Variants in INTS6L observed in about 807,000 individuals in gnomAD.
INTS6L encodes integrator complex subunit 6-like.
Under a neutral mutation model 64.7 loss-of-function variants are expected in INTS6L, and 18 were observed. That is an observed-to-expected ratio of 0.28 (90% CI 0.19 to 0.41). The LOEUF (loss-of-function observed/expected upper bound fraction) is 0.41. Ranked by LOEUF, INTS6L falls within the 10% of genes least tolerant of loss-of-function variation. The probability of loss-of-function intolerance (pLI) is 1.00; values close to 1 mark genes in which losing one functional copy is unlikely to be tolerated. For synonymous variants in INTS6L, 227 were observed against 235.9 expected (o/e 0.96, Z 0.34); for missense variants, 533 against 661.0 (o/e 0.81, Z 2.12).
intron 9 of INTS6L, among the ~76,000 whole-genome samples, chrX:135,560,799 G>T (rs2086769495): frequency 9.2e-6 from 1 of 109,246 alleles, no homozygotes; most frequent in African/African-American, 3.3e-5. Context: ...AGCCGAGATT[G>T]TGCCACTGCA....
intron 14 of INTS6L, 22 bp downstream of exon 14, chrX:135,575,248 C>T: frequency 8.4e-7 from 1 of 1,188,377 alleles, no homozygotes. Flanking sequence ...ATGCCTATGT[C>T]TGCCTAAATT....
chrX:135,556,194 C>T lies in INTS6L; in HGVS notation c.1086C>T (p.Tyr362=), dbSNP rs1204601950. ...TATTTGTTACTAGCAGTGGAAAGTA[C>T]AATGAACTTGGATATCCATTTGGTT... ...WQVFVTSSGK[Y]NELGYPFGYL... The change falls in exon 9 of 18, where the codon TAC becomes TAT. Residue 362 remains tyrosine (Y), a synonymous_variant. Transcript: ENST00000639893. 8.4e-7 allele frequency: 1 copy of T among 1,195,112 alleles called. No homozygotes were observed. Among genetic ancestry groups the T allele is most frequent in the Non-Finnish European group, 1.1e-6 (1 of 888,801 alleles).
At chrX:135,575,337 C>A in intron 14 of INTS6L, 111 bp downstream of exon 14, 1 of 976,249 alleles carries the variant, frequency 1.0e-6, no homozygotes, top group Non-Finnish European at 1.4e-6. Context: ...TTTGTTTAAA[C>A]AATAAAATAT....
At chrX:135,575,059 A>G (rs782648608) in intron 13 of INTS6L, 25 bp from the exon 14 acceptor site, 1 of 1,207,049 alleles carries the variant, frequency 8.3e-7, no homozygotes. Context: ...TATAAGCATC[A>G]ATTTCTTTTC....
At chrX:135,565,199 T>C (rs781859257) in intron 9 of INTS6L, among the ~76,000 whole-genome samples, 2 of 111,999 alleles carry the variant, frequency 1.8e-5, no homozygotes, top group Admixed American at 1.9e-4. Flanking sequence ...TCCAAATTAT[T>C]CCCTGAAAAT....
At chrX:135,569,224 C>T (rs960885778) in intron 9 of INTS6L, 113 bp from the exon 10 acceptor site, 17 of 369,881 alleles carry the variant, frequency 4.6e-5, no homozygotes, top group African/African-American at 1.3e-4. Context: ...ATCAAATAAA[C>T]GCCAATGAAA....
intron 16 of INTS6L, among the ~76,000 whole-genome samples, chrX:135,580,429 A>C: frequency 8.9e-6 from 1 of 112,873 alleles, no homozygotes; most frequent in South Asian, 3.6e-4. Context: ...TATTATATTA[A>C]GTTCTGGAAG....
At chrX:135,526,846 C>T (rs782187521) in intron 2 of INTS6L, among the ~76,000 whole-genome samples, 45 of 111,570 alleles carry the variant, frequency 4.0e-4, no homozygotes, top group Non-Finnish European at 7.7e-4. Flanking sequence ...ACTCATTTCC[C>T]TCATGTCAAA....
intron 9 of INTS6L, among the ~76,000 whole-genome samples, chrX:135,565,302 C>A (rs961555519): frequency 1.8e-5 from 2 of 111,749 alleles, no homozygotes; most frequent in African/African-American, 3.3e-5. Flanking sequence ...TGCCTTTGCT[C>A]GTCTTTCAGG....
Position 135,520,721 on chromosome X carries a change from C to A in INTS6L, c.-272C>A. The A allele has an allele frequency of 2.9e-6, 1 of 348,913 alleles. No individual in the cohort carries two copies. Among genetic ancestry groups the A allele is most frequent in the Non-Finnish European group, 5.0e-6 (1 of 198,847 alleles). The allele number at this position is 348,913 out of a possible 1,213,427, so 28.8% of individuals were successfully genotyped here. On this transcript the variant is annotated 5_prime_UTR_variant, in exon 1 of 18. Coordinates refer to ENST00000639893, the MANE Select transcript of INTS6L (RefSeq NM_001351601.3). Reference sequence around the variant, plus strand: ...GCTTAGGCAGTAGTCCTGGCAGCGGCAGTAGTGGTGGCAGCAGAAGAGAGG... The same window carrying A: ...GCTTAGGCAGTAGTCCTGGCAGCGGAAGTAGTGGTGGCAGCAGAAGAGAGG...
chrX:135,570,709 A>T (rs2087069969), intron 11 of INTS6L, 163 bp downstream of exon 11: 1 of 595,348 alleles, frequency 1.7e-6, no homozygotes, highest in South Asian at 4.0e-5. Context: ...TTCACCATTA[A>T]GCTGCAGTTA....
intron 9 of INTS6L, among the ~76,000 whole-genome samples, chrX:135,563,913 T>C (rs1260183463): frequency 9.0e-6 from 1 of 110,531 alleles, no homozygotes; most frequent in Non-Finnish European, 1.9e-5. Context: ...GATTATTCTG[T>C]TTGAGGTTCA....
chrX:135,530,799 A>G (rs1556504417), intron 2 of INTS6L, among the ~76,000 whole-genome samples: 1 of 111,854 alleles, frequency 8.9e-6, no homozygotes. Flanking sequence ...AGAAGAGTGG[A>G]TTTTATAGAA....
chrX:135,558,741 GGTAA>G (rs1213284887), intron 9 of INTS6L, among the ~76,000 whole-genome samples: 1 of 109,708 alleles, frequency 9.1e-6, no homozygotes, highest in Non-Finnish European at 1.9e-5. Context: ...TGGTTAAGAT[GGTAA>G]GTATTACGTG....
In INTS6L at chrX:135,582,270, C is replaced by T. The variant is rs925830733; in HGVS notation, c.*634C>T. 1 of 112,069 alleles carries T rather than the reference C, an allele frequency of 8.9e-6. No individual in the cohort carries two copies. The highest frequency in any genetic ancestry group is 3.2e-5 in the African/African-American group (1 of 30,822). The allele number at this position is 112,069 out of a possible 1,213,427, so 9.2% of individuals were successfully genotyped here. ...ATTACAAAGTGCACTTGAGGCTGCC[C>T]CCAACCTCTGACATTTGTTCTTGCA... On this transcript the variant is annotated 3_prime_UTR_variant, in exon 18 of 18. Transcript: ENST00000639893.
chrX:135,543,419 C>CCT (rs1197111215), intron 2 of INTS6L, among the ~76,000 whole-genome samples: 3 of 111,601 alleles, frequency 2.7e-5, no homozygotes, highest in Non-Finnish European at 5.6e-5. Context: ...CCCCTCCACC[C>CCT]CTCACATCAG....
chrX:135,581,618 C>T lies in INTS6L; in HGVS notation c.2679C>T (p.Asn893=), dbSNP rs1333388695. 1.7e-6 allele frequency: 2 copies of T among 1,206,102 alleles called. No homozygotes were observed. The highest frequency in any genetic ancestry group is 2.2e-5 in the Admixed American group (1 of 45,527). The change falls in exon 18 of 18, where the codon AAC becomes AAT. Residue 893 remains asparagine (N), a synonymous_variant. Transcript: ENST00000639893. ...HHLHNNISHI[N]SRSSC ...TTCACAACAACATTAGTCACATCAA[C>T]AGCAGATCATCATGTTAGTGCAAAG... is the stretch of plus-strand genomic sequence containing the variant.
At chrX:135,534,311 T>C (rs1221725052) in intron 2 of INTS6L, among the ~76,000 whole-genome samples, 2 of 110,074 alleles carry the variant, frequency 1.8e-5, no homozygotes, top group African/African-American at 6.6e-5. Flanking sequence ...CTTTGCCCAG[T>C]TTCGTTAAAA....
intron 9 of INTS6L, among the ~76,000 whole-genome samples, chrX:135,562,807 T>C (rs1193144653): frequency 8.9e-6 from 1 of 112,284 alleles, no homozygotes; most frequent in Non-Finnish European, 1.9e-5. Flanking sequence ...CTGTTTTTCT[T>C]TGATGTTTGC....
Sources: gnomAD v4.1 joint callset for allele counts (sites outside exome capture counted in the v4.1 genomes callset) on GRCh38, gnomAD v4.1.1 for gene constraint, MANE v1.5 for transcripts, NCBI Gene and HGNC (gene_info 2026-07-23, HGNC 2026-07-21) for gene names.